The following ARID2 variants were observed in gnomAD, a reference collection of about 807,000 sequenced individuals.
The protein encoded by ARID2 is AT-rich interaction domain 2.
A neutral mutation model predicts 184.6 loss-of-function variants in ARID2; 32 were observed. That is an observed-to-expected ratio of 0.17 (90% CI 0.13 to 0.23). The LOEUF (loss-of-function observed/expected upper bound fraction) is 0.23, where lower values mean the gene tolerates loss of function less well. Ranked by LOEUF, ARID2 falls within the 10% of genes least tolerant of loss-of-function variation. The probability of loss-of-function intolerance (pLI) is 1.00; values close to 1 mark genes in which losing one functional copy is unlikely to be tolerated. For synonymous variants in ARID2, 836 were observed against 772.6 expected (o/e 1.08, Z -1.36); for missense variants, 1,696 against 2,197.6 (o/e 0.77, Z 4.56).
At position 45,888,649 on chromosome 12, in the gene ARID2, G is replaced by A. The variant is rs534522996; in HGVS notation, c.4923-3131G>A. ...TGACAATAGCCCTTATTTATTTTTGGCCTACTATTTTCCAAATAGATTTAT... is the reference window on the plus strand; with the variant it reads ...TGACAATAGCCCTTATTTATTTTTGACCTACTATTTTCCAAATAGATTTAT... On this transcript the variant is annotated intron_variant, in intron 16 of 20. Coordinates refer to ENST00000334344, the MANE Select transcript of ARID2 (RefSeq NM_152641.4). Among the ~76,000 whole-genome samples the A allele has an allele frequency of 2.0e-5, 3 of 152,062 alleles. No individual in the cohort carries two copies. The East Asian group carries it at 5.8e-4, about 29-fold the overall frequency.
intron 20 of ARID2, among the ~76,000 whole-genome samples, chr12:45,896,799 TAAAG>T (rs1392937180): frequency 2.6e-5 from 4 of 152,074 alleles, no homozygotes; most frequent in Non-Finnish European, 5.9e-5. Flanking sequence ...TGGGAGGAGA[TAAAG>T]AAGAGAAAGG....
intron 3 of ARID2, among the ~76,000 whole-genome samples, chr12:45,766,690 T>A (rs181257662): frequency 6.6e-4 from 101 of 152,078 alleles, no homozygotes; most frequent in Admixed American, 1.8e-3. Flanking sequence ...ATTTTTTGTA[T>A]TTTTTAGTAG....
chr12:45,734,933 A>G (rs2137968524), intron 3 of ARID2, among the ~76,000 whole-genome samples: 1 of 152,280 alleles, frequency 6.6e-6, no homozygotes. Flanking sequence ...TTTTTTTGGA[A>G]AGGGGGTGAA....
At chr12:45,897,398 G>A (rs192242228) in intron 20 of ARID2, among the ~76,000 whole-genome samples, 135 of 152,250 alleles carry the variant, frequency 8.9e-4, no homozygotes, top group South Asian at 2.7e-3. Context: ...ACTGTACTTC[G>A]TCAAAATTTG....
intron 3 of ARID2, among the ~76,000 whole-genome samples, chr12:45,754,378 G>GTC (rs1205523374): frequency 6.6e-6 from 1 of 152,142 alleles, no homozygotes; most frequent in Non-Finnish European, 1.5e-5. Flanking sequence ...CAGATACTAT[G>GTC]TCTTTTTTTC....
chr12:45,899,139 G>A (rs907244502), intron 20 of ARID2, among the ~76,000 whole-genome samples: 3 of 151,386 alleles, frequency 2.0e-5, no homozygotes, highest in African/African-American at 7.3e-5. Context: ...GGGCGTGGTG[G>A]CGCGTACCTG....
intron 16 of ARID2, among the ~76,000 whole-genome samples, chr12:45,871,320 T>C (rs1484107376): frequency 6.6e-6 from 1 of 152,220 alleles, no homozygotes; most frequent in East Asian, 1.9e-4. Flanking sequence ...GCTTTTGGCA[T>C]GAGTAGATAA....
At chr12:45,869,269 C>A (rs1399207727) in intron 16 of ARID2, among the ~76,000 whole-genome samples, 2 of 152,166 alleles carry the variant, frequency 1.3e-5, no homozygotes, top group Non-Finnish European at 2.9e-5. Context: ...CCTGCCTCGG[C>A]CTCCCAAAGT....
intron 3 of ARID2, among the ~76,000 whole-genome samples, chr12:45,758,317 G>A (rs2138005131): frequency 6.6e-6 from 1 of 152,114 alleles, no homozygotes; most frequent in East Asian, 1.9e-4. Flanking sequence ...GGCTGTATGA[G>A]GCCCAACACA....
chr12:45,879,025 G>A (rs146301639), intron 16 of ARID2, among the ~76,000 whole-genome samples: 1 of 152,060 alleles, frequency 6.6e-6, no homozygotes, highest in Non-Finnish European at 1.5e-5. Flanking sequence ...AATATAGCCT[G>A]TATCTTGTAG....
chr12:45,887,315 T>A, intron 16 of ARID2, among the ~76,000 whole-genome samples: 1 of 152,212 alleles, frequency 6.6e-6, no homozygotes, highest in Admixed American at 6.5e-5. Context: ...ACAGTAATTA[T>A]ATTAAATACT....
intron 16 of ARID2, among the ~76,000 whole-genome samples, chr12:45,875,746 G>A (rs1943999570): frequency 6.6e-6 from 1 of 152,216 alleles, no homozygotes; most frequent in Non-Finnish European, 1.5e-5. Flanking sequence ...ACCTCATGAA[G>A]CAACCTCTGC....
chr12:45,904,811 A>T, intron 20 of ARID2, 123 bp from the exon 21 acceptor site: 1 of 933,738 alleles, frequency 1.1e-6, no homozygotes, highest in Non-Finnish European at 1.6e-6. Context: ...ATACTATATT[A>T]ACATTTACGG....
chr12:45,843,502 G>T (rs1943389649), intron 11 of ARID2, among the ~76,000 whole-genome samples: 1 of 151,676 alleles, frequency 6.6e-6, no homozygotes. Flanking sequence ...GAGTAACTGG[G>T]ACTACAGGTG....
chr12:45,734,797 AT>A (rs1941077636), intron 3 of ARID2, among the ~76,000 whole-genome samples: 1 of 152,274 alleles, frequency 6.6e-6, no homozygotes, highest in South Asian at 2.1e-4. Flanking sequence ...TGGGTTAAGA[AT>A]TTGAAGTTTT....
intron 6 of ARID2, among the ~76,000 whole-genome samples, chr12:45,831,228 A>G (rs1943116495): frequency 6.6e-6 from 1 of 152,112 alleles, no homozygotes; most frequent in African/African-American, 2.4e-5. Flanking sequence ...TTATTTTTTT[A>G]ATATGTACAT....
chr12:45,830,171 T>A (rs890674283), intron 6 of ARID2, among the ~76,000 whole-genome samples: 1 of 151,828 alleles, frequency 6.6e-6, no homozygotes, highest in South Asian at 2.1e-4. Context: ...CTAATTTTAC[T>A]TATTCCATGG....
At chr12:45,799,809 CCCAT>C (rs1328697982) in intron 3 of ARID2, among the ~76,000 whole-genome samples, 1 of 151,966 alleles carries the variant, frequency 6.6e-6, no homozygotes, top group Non-Finnish European at 1.5e-5. Flanking sequence ...CATAAATTAC[CCCAT>C]CATGACTTTA....
rs143367288 is a variant in ARID2 at position 45,740,494 on chromosome 12, CACAT to C, written c.284+9184_284+9187del. Among the ~76,000 whole-genome samples, 8 of 152,076 alleles carry C rather than the reference CACAT, an allele frequency of 5.3e-5. No individual in the cohort carries two copies. The East Asian group carries it at 1.5e-3, about 29-fold the overall frequency. ...GCAAGTGTGTGTGTGTGTTTATATACACATACACACATTATCACTGTCGTTTATT... is the reference window on the plus strand; with the variant it reads ...GCAAGTGTGTGTGTGTGTTTATATACACACACATTATCACTGTCGTTTATT... On this transcript the variant is annotated intron_variant, in intron 3 of 20. Transcript: ENST00000334344.
Sources: gnomAD v4.1 joint callset for allele counts (sites outside exome capture counted in the v4.1 genomes callset) on GRCh38, gnomAD v4.1.1 for gene constraint, MANE v1.5 for transcripts, NCBI Gene and HGNC (gene_info 2026-07-23, HGNC 2026-07-21) for gene names.